ERC2: variants seen among roughly 807,000 people sequenced by gnomAD.
ERC2 encodes the protein ERC protein 2.
Under a neutral mutation model 114.8 loss-of-function variants are expected in ERC2, and 42 were observed. The observed-to-expected ratio is 0.37, with a 90% CI of 0.29 to 0.47. The LOEUF (loss-of-function observed/expected upper bound fraction) is 0.47, where lower values mean the gene tolerates loss of function less well. Among genes scored for constraint, ERC2 ranks in the 20% least tolerant of loss-of-function variants. The pLI is 0.99. For synonymous variants in ERC2, 454 were observed against 425.5 expected, an observed-to-expected ratio of 1.07 and a Z score of -0.82; for missense variants, 939 against 1,150.7, an observed-to-expected ratio of 0.82 and a Z score of 2.66.
At chr3:56,203,764 T>C (rs2048539714) in intron 3 of ERC2, among the ~76,000 whole-genome samples, 1 of 152,144 alleles carries the variant, frequency 6.6e-6, no homozygotes, top group African/African-American at 2.4e-5. Context: ...GGGAGGACCA[T>C]ATGAGTGGAG....
At chr3:55,846,693 T>TTCTCTCTCTCTCTC (rs34647203) in intron 14 of ERC2, among the ~76,000 whole-genome samples, 8 of 142,820 alleles carry the variant, frequency 5.6e-5, no homozygotes, top group Non-Finnish European at 1.1e-4. Flanking sequence ...CTCTCTCTCT[T>TTCTCTCTCTCTCTC]TCTCTCTCTC....
chr3:55,577,420 T>C (rs2057039885), intron 17 of ERC2, among the ~76,000 whole-genome samples: 1 of 152,208 alleles, frequency 6.6e-6, no homozygotes, highest in Admixed American at 6.5e-5. Context: ...TTCCCTTTAT[T>C]TGTGATTCCC....
chr3:56,169,533 G>A (rs2082515508), intron 4 of ERC2, among the ~76,000 whole-genome samples: 1 of 152,128 alleles, frequency 6.6e-6, no homozygotes, highest in Admixed American at 6.5e-5. Context: ...CACAGGCAGG[G>A]AGAGGTTGCC....
intron 14 of ERC2, among the ~76,000 whole-genome samples, chr3:55,869,338 T>A (rs1382260297): frequency 6.6e-6 from 1 of 152,160 alleles, no homozygotes; most frequent in African/African-American, 2.4e-5. Flanking sequence ...ATTGCCTACT[T>A]ACGGAGATGA....
chr3:55,766,654 T>A (rs2067814332), intron 14 of ERC2: 1 of 152,008 alleles, frequency 6.6e-6, no homozygotes, highest in African/African-American at 2.4e-5. Flanking sequence ...GGAGGGTATC[T>A]AGTAGGGGGC....
At chr3:55,911,830 T>C (rs1005918417) in intron 13 of ERC2, among the ~76,000 whole-genome samples, 1 of 152,230 alleles carries the variant, frequency 6.6e-6, no homozygotes, top group Non-Finnish European at 1.5e-5. Context: ...TTCATGTAGA[T>C]ATAACCAAAT....
intron 2 of ERC2, among the ~76,000 whole-genome samples, chr3:56,413,150 C>A (rs1285739064): frequency 6.6e-6 from 1 of 152,210 alleles, no homozygotes; most frequent in Non-Finnish European, 1.5e-5. Flanking sequence ...AGGCCCACAG[C>A]TGTGCCCCTC....
chr3:55,705,164 G>T (rs1172751734), intron 15 of ERC2, among the ~76,000 whole-genome samples: 2 of 152,144 alleles, frequency 1.3e-5, no homozygotes, highest in African/African-American at 4.8e-5. Context: ...GGAGAGAAGG[G>T]TATGGTTTAA....
chr3:56,186,577 G>C (rs2083632823), intron 3 of ERC2, among the ~76,000 whole-genome samples: 3 of 152,110 alleles, frequency 2.0e-5, no homozygotes, highest in Admixed American at 2.0e-4. Flanking sequence ...TGTTGCCCAG[G>C]CTGGAGTGCA....
At chr3:55,584,724 G>A (rs1241667247) in intron 17 of ERC2, among the ~76,000 whole-genome samples, 1 of 152,210 alleles carries the variant, frequency 6.6e-6, no homozygotes, top group African/African-American at 2.4e-5. Flanking sequence ...ATACGGTGGG[G>A]AGAGAAAGAT....
At chr3:55,636,828 A>G (rs2148643105) in intron 17 of ERC2, among the ~76,000 whole-genome samples, 1 of 152,294 alleles carries the variant, frequency 6.6e-6, no homozygotes, top group Non-Finnish European at 1.5e-5. Flanking sequence ...CTAAAGGCCT[A>G]CCTTGCTAAT....
rs182939081 is a variant in ERC2 at position 56,212,223 on chromosome 3, G to A, written c.1075-38703C>T. Among the ~76,000 whole-genome samples the A allele has an allele frequency of 9.2e-5, 14 of 152,170 alleles. No individual in the cohort carries two copies. In the East Asian group the frequency reaches 1.9e-3, roughly 21 times the overall value. On this transcript the variant is annotated intron_variant, in intron 3 of 17. Transcript: ENST00000288221. ...TCTATACATCTGACAAAGGACTAAT[G>A]TTAAGAATCTACAAGGAACTCATAC... is the stretch of plus-strand genomic sequence containing the variant.
At chr3:55,966,895 C>T (rs150624662) in intron 12 of ERC2, among the ~76,000 whole-genome samples, 18 of 152,118 alleles carry the variant, frequency 1.2e-4, no homozygotes, top group Non-Finnish European at 1.9e-4. Context: ...CATTTTTTCC[C>T]ATCAGAGGAC....
intron 6 of ERC2, among the ~76,000 whole-genome samples, chr3:56,113,998 C>G (rs2079100138): frequency 6.6e-6 from 1 of 152,160 alleles, no homozygotes; most frequent in East Asian, 1.9e-4. Context: ...CCTGGCCATC[C>G]TGCTGGCTAA....
chr3:55,753,721 T>C (rs368854320), intron 14 of ERC2, among the ~76,000 whole-genome samples: 9 of 152,364 alleles, frequency 5.9e-5, no homozygotes, highest in African/African-American at 1.9e-4. Flanking sequence ...AAAAGAGTTT[T>C]CCTTTTCCAG....
At chr3:55,987,442 A>G (rs557949175) in intron 11 of ERC2, among the ~76,000 whole-genome samples, 2 of 152,326 alleles carry the variant, frequency 1.3e-5, no homozygotes, top group South Asian at 2.1e-4. Flanking sequence ...ACCTTCCCCA[A>G]AAAGTTGCTA....
At chr3:55,948,760 G>C (rs947343294) in intron 13 of ERC2, among the ~76,000 whole-genome samples, 8 of 152,160 alleles carry the variant, frequency 5.3e-5, no homozygotes, top group Non-Finnish European at 4.4e-5. Flanking sequence ...CAGAAAAGAA[G>C]AAATTACTAT....
intron 3 of ERC2, among the ~76,000 whole-genome samples, chr3:56,281,973 T>C (rs1035739587): frequency 6.6e-6 from 1 of 152,212 alleles, no homozygotes; most frequent in Non-Finnish European, 1.5e-5. Context: ...GGAGACCAAC[T>C]GATCCGAGGG....
At chr3:56,190,652 T>G (rs1043951469) in intron 3 of ERC2, among the ~76,000 whole-genome samples, 1 of 151,916 alleles carries the variant, frequency 6.6e-6, no homozygotes, top group East Asian at 1.9e-4. Context: ...TTGACCAGGT[T>G]GGTCTCAAAT....
Sources: allele counts gnomAD v4.1 joint callset (sites outside exome capture counted in the v4.1 genomes callset), GRCh38; gene constraint gnomAD v4.1.1; transcripts MANE v1.5; gene names NCBI Gene and HGNC (gene_info 2026-07-23, HGNC 2026-07-21).